PRAMEF14: variants seen among roughly 807,000 people sequenced by gnomAD.
The protein encoded by PRAMEF14 is PRAME family member 14.
A neutral mutation model predicts 38.3 loss-of-function variants in PRAMEF14; 24 were observed. The observed-to-expected ratio is 0.63, with a 90% CI of 0.45 to 0.88. The LOEUF (loss-of-function observed/expected upper bound fraction) is 0.88, where lower values mean the gene tolerates loss of function less well. Among genes scored for constraint, PRAMEF14 ranks in the 40% least tolerant of loss-of-function variants. The pLI is 0.00. For missense variants in PRAMEF14, 477 were observed against 570.8 expected, an observed-to-expected ratio of 0.84 and a Z score of 1.67; for synonymous variants, 194 against 226.4, an observed-to-expected ratio of 0.86 and a Z score of 1.29.
chr1:13,343,650 T>C lies in PRAMEF14; in HGVS notation c.866+388A>G, dbSNP rs1640362187. ...ACTAAGCCGGTGAGGACAGACGTTC[T>C]ATTGTGAAATGGACAGGTTTGATGC... On this transcript the variant is annotated intron_variant, in intron 3 of 3. Transcript: ENST00000334600. 5 of 1,331,950 alleles carry C rather than the reference T, an allele frequency of 3.8e-6. No homozygotes were observed. The South Asian group carries it at 6.2e-5, about 17-fold the overall frequency. The allele number at this position is 1,331,950 out of a possible 1,614,324, so 82.5% of individuals were successfully genotyped here.
intron 3 of PRAMEF14, among the ~76,000 whole-genome samples, chr1:13,343,384 G>A (rs1435763673): frequency 3.2e-3 from 453 of 142,660 alleles, no homozygotes; most frequent in African/African-American, 8.6e-3. Context: ...ACAGGTACCC[G>A]GTGGGAGATG....
rs1640360964 is a variant in PRAMEF14, at chr1:13,343,600, A to G, written c.866+438T>C. On this transcript the variant is annotated intron_variant, in intron 3 of 3. Transcript: ENST00000334600. ...CAAAACAACCTTTTACAAACAGGGA[A>G]TCAGAGACAGGATCATTCGTGATCA... 5.9e-5 allele frequency: 77 copies of G among 1,313,244 alleles called. 4 individuals carry two copies. In the South Asian group the frequency reaches 8.5e-4, roughly 14 times the overall value. The allele number at this position is 1,313,244 out of a possible 1,614,324, so 81.3% of individuals were successfully genotyped here.
At chr1:13,343,317 C>G (rs1640356512) in intron 3 of PRAMEF14, among the ~76,000 whole-genome samples, 1 of 147,236 alleles carries the variant, frequency 6.8e-6, no homozygotes. Context: ...CATAAAATCT[C>G]TAAAGCCTTT....
rs1640349299 is a variant in PRAMEF14 at position 13,342,891 on chromosome 1, G to A, written c.1062C>T (p.Leu354=). The A allele has an allele frequency of 5.0e-6, 8 of 1,608,070 alleles. No individual in the cohort carries two copies. The highest frequency in any genetic ancestry group is 1.3e-5 in the African/African-American group (1 of 74,676). ...LEKIAASLET[L]ILEGCQIHYS... is the part of the protein sequence containing the mutation. ...AGTGGATCTGACAGCCCTCCAAGAT[G>A]AGGGTTTCGAGAGAGGCAGCAATTT... Residue 354 remains leucine, a synonymous_variant, in exon 4 of 4, where the codon CTC becomes CTT. Transcript: ENST00000334600.
At chr1:13,343,722 A>T in intron 3 of PRAMEF14, 1 of 1,340,252 alleles carries the variant, frequency 7.5e-7, no homozygotes, top group East Asian at 4.2e-5. Flanking sequence ...TTGACATCAT[A>T]TCAACTTGAA....
Position 13,345,251 on chromosome 1 carries a change from C to T in PRAMEF14, c.64G>A (p.Ala22Thr). The stretch of plus-strand genomic sequence containing the variant: ...TCCTCCATGGCAGAGATGGACAAGG[C>T]CTGGTCTCTCAGCAGGCTCTGCCCT... ...LAGQSLLRDQ[A>T]LSISAMEELP... Residue 22 changes from alanine (A) to threonine (T), a missense_variant, in exon 2 of 4, where the codon GCC becomes ACC. Physicochemically the swap from Ala to Thr is moderately conservative, Grantham distance 58. This residue lies in a region of PRAMEF14 where 58 missense variants were observed against 119.9 expected (regional missense o/e 0.48). Transcript: ENST00000334600. 6.2e-7 allele frequency: 1 copy of T among 1,607,360 alleles called. No homozygotes were observed. The highest frequency in any genetic ancestry group is 1.7e-5 in the Admixed American group (1 of 59,888).
In PRAMEF14 at chr1:13,343,772, T is replaced by C. The variant is rs1336844119; in HGVS notation, c.866+266A>G. ...AGGAAATTCACACGTGCACCCCCAA[T>C]AGAGCTGAAACCCCCACTAACTAGC... On this transcript the variant is annotated intron_variant, in intron 3 of 3. Transcript: ENST00000334600. The C allele has an allele frequency of 3.5e-6, 5 of 1,415,760 alleles. 1 individual carries two copies. The East Asian group carries it at 1.3e-4, about 38-fold the overall frequency. The allele number at this position is 1,415,760 out of a possible 1,614,324, so 87.7% of individuals were successfully genotyped here.
chr1:13,342,732 T>A lies in PRAMEF14; in HGVS notation c.1221A>T (p.Leu407Phe), dbSNP rs201030483. Residue 407 changes from leucine (L) to phenylalanine (F), a missense_variant, in exon 4 of 4, where the codon TTA (leucine) becomes TTT (phenylalanine). Coordinates refer to ENST00000334600, the MANE Select transcript of PRAMEF14 (RefSeq NM_001024661.2). Reference protein sequence around the residue: ...LLCHTSGLSKLSLETYPAPEE... With the variant: ...LLCHTSGLSKFSLETYPAPEE... ...CAGGGGCAGGATACGTCTCCAGGCT[T>A]AACTTGCTCAGCCCACTGGTGTGGC... 12 of 1,604,776 alleles carry A rather than the reference T, an allele frequency of 7.5e-6. No individual in the cohort carries two copies. Among genetic ancestry groups the A allele is most frequent in the Non-Finnish European group, 1.0e-5 (12 of 1,177,758 alleles).
Position 13,344,349 on chromosome 1 carries a change from C to G in PRAMEF14, c.555G>C (p.Leu185=). The part of the protein sequence containing the change: ...RGLVHLCCSK[L]VNYLTPIKHL... The stretch of plus-strand genomic sequence containing the variant: ...GTTTAATCGGCGTTAGATAATTGAC[C>G]AGCTTACTACAGCACAGGTGTACTA... The change falls in exon 3 of 4, where the codon CTG becomes CTC. Residue 185 remains leucine, a synonymous_variant. Coordinates refer to ENST00000334600, the MANE Select transcript of PRAMEF14 (RefSeq NM_001024661.2). 1 of 1,607,370 alleles carries G rather than the reference C, an allele frequency of 6.2e-7. No individual in the cohort carries two copies. Among genetic ancestry groups the G allele is most frequent in the Non-Finnish European group, 8.5e-7 (1 of 1,178,236 alleles).
Position 13,344,503 on chromosome 1 carries a change from G to C in PRAMEF14, c.401C>G (p.Thr134Arg). The C allele has an allele frequency of 3.7e-6, 6 of 1,607,334 alleles. No homozygotes were observed. The highest frequency in any genetic ancestry group is 5.1e-6 in the Non-Finnish European group (6 of 1,178,852). ...CFPETMSKRQ[T>R]AEDCPRMGEH... ...TCCCATCCTTGGACAGTCCTCTGCT[G>C]TCTGCCTCTTACTCATGGTCTCTGG... is the stretch of plus-strand genomic sequence containing the variant. Residue 134 changes from threonine to arginine, a missense_variant, in exon 3 of 4, where the codon ACA (threonine) becomes AGA (arginine). This residue lies in a region of PRAMEF14 where 234 missense variants were observed against 247.4 expected (regional missense o/e 0.95). Coordinates refer to ENST00000334600, the MANE Select transcript of PRAMEF14 (RefSeq NM_001024661.2).
Position 13,344,591 on chromosome 1 carries a change from A to G in PRAMEF14, c.313T>C (p.Leu105=). The change falls in exon 3 of 4, where the codon TTG becomes CTG. Residue 105 remains leucine (L), a synonymous_variant. Coordinates refer to ENST00000334600, the MANE Select transcript of PRAMEF14 (RefSeq NM_001024661.2). ...CAGAAATTCTCATCAACATCCCGCA[A>G]ATCCAGCACTTGAAGTTTCCACCTC... is the stretch of plus-strand genomic sequence containing the variant. ...PRRWKLQVLD[L]RDVDENFWAR... 2.5e-6 allele frequency: 4 copies of G among 1,604,132 alleles called. No individual in the cohort carries two copies. The South Asian group carries it at 4.4e-5, about 18-fold the overall frequency.
chr1:13,344,281 T>G lies in PRAMEF14; in HGVS notation c.623A>C (p.Gln208Pro), dbSNP rs1640371752. 6.2e-7 allele frequency: 1 copy of G among 1,606,114 alleles called. No individual in the cohort carries two copies. Among genetic ancestry groups the G allele is most frequent in the African/African-American group, 1.3e-5 (1 of 74,866 alleles). The change falls in exon 3 of 4, where the codon CAA becomes CCA. Residue 208 changes from glutamine to proline, a missense_variant. This residue lies in a region of PRAMEF14 where 234 missense variants were observed against 247.4 expected (regional missense o/e 0.95). Coordinates refer to ENST00000334600, the MANE Select transcript of PRAMEF14 (RefSeq NM_001024661.2). Reference sequence around the variant, plus strand: ...GGACATGTTGCGAATTTCCAGCTGTTGAATACTATTCAGGTATATTATTTT... The same window carrying G: ...GGACATGTTGCGAATTTCCAGCTGTGGAATACTATTCAGGTATATTATTTT... ...SLKIIYLNSI[Q>P]QLEIRNMSWP...
Position 13,344,167 on chromosome 1 carries a change from A to T in PRAMEF14, c.737T>A (p.Met246Lys). Residue 246 changes from methionine (M) to lysine (K), a missense_variant, in exon 3 of 4, where the codon ATG (methionine) becomes AAG (lysine). This residue lies in a region of PRAMEF14 where 234 missense variants were observed against 247.4 expected (regional missense o/e 0.95). Coordinates refer to ENST00000334600, the MANE Select transcript of PRAMEF14 (RefSeq NM_001024661.2). Reference sequence around the variant, plus strand: ...CCGTCCTTCGAGTTCATTATCTGACATGGAATGATGGCACCTGGAGAAAAC... The same window carrying T: ...CCGTCCTTCGAGTTCATTATCTGACTTGGAATGATGGCACCTGGAGAAAAC... ...KLVFSRCHHS[M>K]SDNELEGRLV... The T allele has an allele frequency of 1.3e-6, 2 of 1,597,624 alleles. No individual in the cohort carries two copies. Among genetic ancestry groups the T allele is most frequent in the Non-Finnish European group, 1.7e-6 (2 of 1,172,752 alleles).
rs61745538 is a variant in PRAMEF14, at chr1:13,342,862, G to C, written c.1091C>G (p.Ser364Cys). Residue 364 changes from serine to cysteine, a missense_variant, in exon 4 of 4, where the codon TCC becomes TGC. Physicochemically the swap from Ser to Cys is moderately radical, Grantham distance 112 (BLOSUM62 -1). Around this residue, in one of 4 missense-constraint regions of PRAMEF14, gnomAD observed 151 missense variants for 137.4 expected, o/e 1.10. Coordinates refer to ENST00000334600, the MANE Select transcript of PRAMEF14 (RefSeq NM_001024661.2). ...GCCAGGCAGGATGGCACTGAGTTGG[G>C]AGTAGTGGATCTGACAGCCCTCCAA... Reference protein sequence around the residue: ...LILEGCQIHYSQLSAILPGLS... With the variant: ...LILEGCQIHYCQLSAILPGLS... The C allele has an allele frequency of 4.3e-6, 7 of 1,609,270 alleles. No homozygotes were observed. Among genetic ancestry groups the C allele is most frequent in the Admixed American group, 3.3e-5 (2 of 59,866 alleles).
intron 2 of PRAMEF14, 169 bp downstream of exon 2, chr1:13,344,859 G>T (rs1283456182): frequency 5.8e-6 from 5 of 858,914 alleles, no homozygotes; most frequent in Non-Finnish European, 7.0e-6. Context: ...CCTGTATGGT[G>T]AGCACTCCTT....
In PRAMEF14 at chr1:13,344,146, C is replaced by A; in HGVS notation, c.758G>T (p.Gly253Val). ...AGAGCTGAATTTGGTGACTAACCGT[C>A]CTTCGAGTTCATTATCTGACATGGA... Reference protein sequence around the residue: ...HHSMSDNELEGRLVTKFSSVF... With the variant: ...HHSMSDNELEVRLVTKFSSVF... The change falls in exon 3 of 4, where the codon GGA becomes GTA. Residue 253 changes from glycine (G) to valine (V), a missense_variant. Physicochemically the swap from Gly to Val is moderately radical, Grantham distance 109. Coordinates refer to ENST00000334600, the MANE Select transcript of PRAMEF14 (RefSeq NM_001024661.2). 1.9e-6 allele frequency: 3 copies of A among 1,602,974 alleles called. 1 individual carries two copies. Among genetic ancestry groups the A allele is most frequent in the Admixed American group, 1.7e-5 (1 of 59,446 alleles).
intron 1 of PRAMEF14, among the ~76,000 whole-genome samples, chr1:13,346,059 C>T (rs1415300574): frequency 6.6e-6 from 1 of 150,838 alleles, no homozygotes; most frequent in Non-Finnish European, 1.5e-5. Context: ...CACTTGAAGC[C>T]CAGAGGCAGA....
chr1:13,346,133 G>A (rs1374609611), intron 1 of PRAMEF14, among the ~76,000 whole-genome samples: 4 of 150,096 alleles, frequency 2.7e-5, no homozygotes, highest in African/African-American at 7.3e-5. Flanking sequence ...AGAGTACATC[G>A]CAGAAAAAAA....
rs1474839695 is a variant in PRAMEF14 at position 13,344,125 on chromosome 1, C to G, written c.779G>C (p.Ser260Thr). The part of the protein sequence containing the change: ...ELEGRLVTKF[S>T]SVFLRLEHLQ... Reference sequence around the variant, plus strand: ...GTGTTCCAGCCTGAGGAACACAGAGCTGAATTTGGTGACTAACCGTCCTTC... The same window carrying G: ...GTGTTCCAGCCTGAGGAACACAGAGGTGAATTTGGTGACTAACCGTCCTTC... The change falls in exon 3 of 4, where the codon AGC (serine) becomes ACC (threonine). Residue 260 changes from serine (S) to threonine (T), a missense_variant. Physicochemically the swap from Ser to Thr is moderately conservative, Grantham distance 58 (BLOSUM62 1). This residue lies in a region of PRAMEF14 where 234 missense variants were observed against 247.4 expected (regional missense o/e 0.95). Transcript: ENST00000334600. 5.4e-5 allele frequency: 86 copies of G among 1,606,202 alleles called. 2 individuals are homozygous for G. Among genetic ancestry groups the G allele is most frequent in the East Asian group, 1.4e-4 (6 of 41,866 alleles).
Sources: gnomAD v4.1 joint callset for allele counts (sites outside exome capture counted in the v4.1 genomes callset) on GRCh38, gnomAD v4.1.1 for gene constraint, gnomAD v4.1.1 regional missense constraint, MANE v1.5 for transcripts, NCBI Gene and HGNC (gene_info 2026-07-23, HGNC 2026-07-21) for gene names.